The following EXTL3 variants were observed in gnomAD, a reference collection of about 807,000 sequenced individuals.
The protein encoded by EXTL3 is exostosin-like 3.
In EXTL3, 27 loss-of-function variants were observed where a neutral mutation model predicts 69.3. The observed-to-expected ratio is 0.39, with a 90% CI of 0.29 to 0.54. The LOEUF is 0.54. Among genes scored for constraint, EXTL3 ranks in the 20% least tolerant of loss-of-function variants. The probability of loss-of-function intolerance (pLI) is 0.69; values close to 1 mark genes in which losing one functional copy is unlikely to be tolerated. For missense variants in EXTL3, 1,003 were observed against 1,231.8 expected, an observed-to-expected ratio of 0.81 and a Z score of 2.78; for synonymous variants, 511 against 499.4, an observed-to-expected ratio of 1.02 and a Z score of -0.31.
chr8:28,665,329 C>T (rs1423569400), intron 1 of EXTL3, among the ~76,000 whole-genome samples: 2 of 151,672 alleles, frequency 1.3e-5, no homozygotes, highest in African/African-American at 2.4e-5. Context: ...CCCACCTAGG[C>T]GTCCCAAAGT....
At chr8:28,668,865 C>CTCTTATT (rs1193812924) in intron 1 of EXTL3, among the ~76,000 whole-genome samples, 4 of 94,476 alleles carry the variant, frequency 4.2e-5, no homozygotes, top group African/African-American at 1.8e-4. Flanking sequence ...GATAGAATCT[C>CTCTTATT]TTTTTTTTTT....
At position 28,750,965 on chromosome 8, in the gene EXTL3, TGGCCCAGAGC is replaced by T; in HGVS notation, c.*100_*109del. On this transcript the variant is annotated 3_prime_UTR_variant, in exon 7 of 7. Transcript: ENST00000220562. This position sits in a 1 kb window ranked among gnomAD's most constrained non-coding sequence, Gnocchi z 5.2. The stretch of plus-strand genomic sequence containing the variant: ...GACCTTGGGCACATCTGCTGGTGGG[TGGCCCAGAGC>T]CTCTGCTGGAAGGGGCAGCAGGAGG... 9.5e-7 allele frequency: 1 copy of T among 1,050,896 alleles called. No individual in the cohort carries two copies. The highest frequency in any genetic ancestry group is 1.3e-5 in the South Asian group (1 of 75,188). 65.1% of individuals were successfully genotyped at this position (1,050,896 alleles called of 1,614,324 possible).
chr8:28,620,237 C>T (rs2130540979), upstream of EXTL3, among the ~76,000 whole-genome samples: 1 of 152,188 alleles, frequency 6.6e-6, no homozygotes, highest in South Asian at 2.1e-4. Context: ...CCAGGCAGGG[C>T]TTCATTTCTC....
intron 1 of EXTL3, among the ~76,000 whole-genome samples, chr8:28,626,651 GTAAGT>G (rs1334608750): frequency 2.6e-5 from 4 of 152,092 alleles, no homozygotes; most frequent in Middle Eastern, 3.2e-3. Flanking sequence ...TAAAAACCCT[GTAAGT>G]TGAGTATTAT....
intron 1 of EXTL3, among the ~76,000 whole-genome samples, chr8:28,656,715 T>A (rs1425603576): frequency 6.6e-6 from 1 of 152,142 alleles, no homozygotes; most frequent in Non-Finnish European, 1.5e-5. Context: ...AAGCCTTGTG[T>A]TAAATGGTGG....
At chr8:28,647,697 C>A (rs1215670428) in intron 1 of EXTL3, among the ~76,000 whole-genome samples, 7 of 152,098 alleles carry the variant, frequency 4.6e-5, no homozygotes. Context: ...CTTGCCAACA[C>A]TTTTTTCTAG....
At chr8:28,625,319 G>T (rs1438033740) in intron 1 of EXTL3, among the ~76,000 whole-genome samples, 1 of 152,154 alleles carries the variant, frequency 6.6e-6, no homozygotes. Flanking sequence ...TCTCTCAGAA[G>T]AACCATAAAG....
At chr8:28,658,827 C>A (rs1025458579) in intron 1 of EXTL3, among the ~76,000 whole-genome samples, 1 of 152,270 alleles carries the variant, frequency 6.6e-6, no homozygotes, top group Admixed American at 6.5e-5. Flanking sequence ...GTGATCCACC[C>A]ACCTCAGCCT....
chr8:28,638,855 T>G (rs572531730), intron 1 of EXTL3, among the ~76,000 whole-genome samples: 18 of 152,150 alleles, frequency 1.2e-4, no homozygotes, highest in African/African-American at 3.4e-4. Flanking sequence ...GGTCTTGAAC[T>G]CCTGACGTCA....
intron 3 of EXTL3, among the ~76,000 whole-genome samples, chr8:28,721,940 G>A (rs60444711): frequency 0.032 from 4,834 of 152,214 alleles, 170 homozygotes; most frequent in East Asian, 0.12. Flanking sequence ...CCTTCACACT[G>A]TATACTCACT....
intron 1 of EXTL3, among the ~76,000 whole-genome samples, chr8:28,676,635 A>C (rs1011641325): frequency 1.3e-5 from 2 of 152,224 alleles, no homozygotes; most frequent in South Asian, 4.1e-4. Context: ...TAAAACACAC[A>C]AATAACCAAA....
chr8:28,728,836 G>A lies in EXTL3; in HGVS notation c.2149-2387G>A, dbSNP rs147567184. 3.8e-4 allele frequency among the ~76,000 whole-genome samples: 58 copies of A among 152,046 alleles called. No individual in the cohort carries two copies. In the East Asian group the frequency reaches 0.01, roughly 26 times the overall value. On this transcript the variant is annotated intron_variant, in intron 3 of 6. Coordinates refer to ENST00000220562, the MANE Select transcript of EXTL3 (RefSeq NM_001440.4). ...GAGCTAATGAGCTCTAGGCTGCAGT[G>A]AGCTATGATAGCACCATTGCACTCC...
chr8:28,740,484 A>G (rs1341906828), intron 5 of EXTL3: 2 of 152,260 alleles, frequency 1.3e-5, no homozygotes, highest in South Asian at 2.1e-4. Context: ...GGTTTTCACC[A>G]TGTTGGTCAG....
At chr8:28,733,585 TG>T in intron 4 of EXTL3, among the ~76,000 whole-genome samples, 1 of 144,760 alleles carries the variant, frequency 6.9e-6, no homozygotes, top group Middle Eastern at 3.6e-3. Context: ...TTTGTACAGA[TG>T]GGTTCTCACT....
chr8:28,631,198 G>T (rs1354593585), intron 1 of EXTL3, among the ~76,000 whole-genome samples: 1 of 149,640 alleles, frequency 6.7e-6, no homozygotes, highest in African/African-American at 2.5e-5. Flanking sequence ...GGCCTCCCTT[G>T]AATATAATTT....
chr8:28,632,554 CTTTTTTTT>C (rs1172375819), intron 1 of EXTL3, among the ~76,000 whole-genome samples: 6 of 126,622 alleles, frequency 4.7e-5, no homozygotes, highest in Admixed American at 3.3e-4. Context: ...CTCATTTATT[CTTTTTTTT>C]TTTTTTTTTT....
At chr8:28,705,097 G>T (rs780478332) in intron 1 of EXTL3, among the ~76,000 whole-genome samples, 2 of 152,216 alleles carry the variant, frequency 1.3e-5, no homozygotes, top group African/African-American at 2.4e-5. Flanking sequence ...AATCTTGGAG[G>T]TGAAACGAGA....
chr8:28,666,775 ATG>A (rs1372143771), intron 1 of EXTL3, among the ~76,000 whole-genome samples: 1 of 151,830 alleles, frequency 6.6e-6, no homozygotes, highest in East Asian at 1.9e-4. Context: ...GGGTTTCACC[ATG>A]TTGGCCAGGC....
At chr8:28,673,172 T>C (rs1208977288) in intron 1 of EXTL3, among the ~76,000 whole-genome samples, 1 of 152,196 alleles carries the variant, frequency 6.6e-6, no homozygotes, top group Non-Finnish European at 1.5e-5. Flanking sequence ...ACTTCAAAAC[T>C]GTATAGATGA....
Sources: allele counts gnomAD v4.1 joint callset (sites outside exome capture counted in the v4.1 genomes callset), GRCh38; gene constraint gnomAD v4.1.1; non-coding constraint Gnocchi (gnomAD v3.1); transcripts MANE v1.5; gene names NCBI Gene and HGNC (gene_info 2026-07-23, HGNC 2026-07-21).